The following PDZD2 variants were observed in gnomAD, a reference collection of about 807,000 sequenced individuals.
PDZD2 encodes PDZ domain-containing protein 2.
In PDZD2, 90 loss-of-function variants were observed where a neutral mutation model predicts 220.7. The ratio of observed to expected loss-of-function variants is 0.41; its 90% CI spans 0.34 to 0.49. The LOEUF is 0.49. Among genes scored for constraint, PDZD2 ranks in the 20% least tolerant of loss-of-function variants. PDZD2 has a pLI of 0.28. For missense variants in PDZD2, 3,174 were observed against 3,608.5 expected (o/e 0.88, Z 3.08); for synonymous variants, 1,375 against 1,450.5 (o/e 0.95, Z 1.18).
At chr5:31,947,142 G>T (rs903482412) in intron 2 of PDZD2, among the ~76,000 whole-genome samples, 1 of 152,132 alleles carries the variant, frequency 6.6e-6, no homozygotes, top group South Asian at 2.1e-4. Context: ...GGTGCCCCTC[G>T]GTTTAGAGGG....
rs1561378496 is a variant in PDZD2 at position 32,024,703 on chromosome 5, A to AAAAAAAGAAAG, written c.1408-12525_1408-12524insAAAGAAAGAAA. Reference sequence around the variant, plus strand: ...ATCTCAAAAAAAAAAAGAAAGAAAAAAAAGAAAAGGAAAGAAAGAAACGTG... The same window carrying AAAAAAAGAAAG: ...ATCTCAAAAAAAAAAAGAAAGAAAAAAAAAAAGAAAGAAAGAAAAGGAAAGAAAGAAACGTG... On this transcript the variant is annotated intron_variant, in intron 6 of 24. Coordinates refer to ENST00000438447, the MANE Select transcript of PDZD2 (RefSeq NM_178140.4). 5.0e-5 allele frequency among the ~76,000 whole-genome samples: 7 copies of AAAAAAAGAAAG among 140,282 alleles called. 1 individual carries two copies. Among genetic ancestry groups the AAAAAAAGAAAG allele is most frequent in the Non-Finnish European group, 9.3e-5 (6 of 64,252 alleles). The allele number at this position is 140,282 out of a possible 152,430, so 92.0% of individuals were successfully genotyped here. A position where few individuals can be genotyped will look rare whatever the true frequency, so the allele number is the denominator to read the frequency against.
intron 18 of PDZD2, among the ~76,000 whole-genome samples, chr5:32,076,833 T>C (rs1741350570): frequency 6.6e-6 from 1 of 152,262 alleles, no homozygotes; most frequent in Admixed American, 6.5e-5. Flanking sequence ...ACTGACATTT[T>C]ATGAAAAGAT....
Position 32,107,972 on chromosome 5 carries a change from GT to G in PDZD2, c.8358del (p.Ala2787ArgfsTer7), listed in dbSNP as rs1255189346. The part of the protein sequence containing the change: ...PLVIKRVYKG[G>X]AAEQAGIIEA... ...TATTCTGTGTTTATTCTCGTAGGTG[GT>G]GCGGCTGAACAAGCTGGAATAATAG... On this transcript the variant is annotated frameshift_variant, in exon 25 of 25. Coordinates refer to ENST00000438447, the MANE Select transcript of PDZD2 (RefSeq NM_178140.4). LOFTEE classifies it high-confidence loss of function. The G allele has an allele frequency of 1.2e-6, 2 of 1,611,292 alleles. No homozygotes were observed. Among genetic ancestry groups the G allele is most frequent in the East Asian group, 2.2e-5 (1 of 44,854 alleles).
Position 32,089,945 on chromosome 5 carries a change from A to T in PDZD2, c.6497A>T (p.Lys2166Ile). 1 of 1,608,818 alleles carries T rather than the reference A, an allele frequency of 6.2e-7. No individual in the cohort carries two copies. The highest frequency in any genetic ancestry group is 8.5e-7 in the Non-Finnish European group (1 of 1,177,390). Reference sequence around the variant, plus strand: ...ATGTCACGATCATTCAGCATGGCAAAACTGGCGTCCTCCTCCTCCTCCCTT... The same window carrying T: ...ATGTCACGATCATTCAGCATGGCAATACTGGCGTCCTCCTCCTCCTCCCTT... Reference protein sequence around the residue: ...QEMSRSFSMAKLASSSSSLQT... With the variant: ...QEMSRSFSMAILASSSSSLQT... Residue 2166 changes from lysine (K) to isoleucine (I), a missense_variant, in exon 20 of 25, where the codon AAA (lysine) becomes ATA (isoleucine). Lys to Ile is a moderately radical substitution (Grantham distance 102, BLOSUM62 -3). Around this residue, in one of 4 missense-constraint regions of PDZD2, gnomAD observed 1,861 missense variants for 2,001.0 expected, o/e 0.93. Coordinates refer to ENST00000438447, the MANE Select transcript of PDZD2 (RefSeq NM_178140.4).
intron 1 of PDZD2, among the ~76,000 whole-genome samples, chr5:31,778,809 TAATA>T (rs1385257539): frequency 6.6e-6 from 1 of 152,060 alleles, no homozygotes; most frequent in African/African-American, 2.4e-5. Context: ...ATCAGTAAAG[TAATA>T]AATGTTCACA....
intron 21 of PDZD2, among the ~76,000 whole-genome samples, chr5:32,095,557 G>A (rs1313107828): frequency 6.6e-6 from 1 of 152,158 alleles, no homozygotes; most frequent in Non-Finnish European, 1.5e-5. Context: ...CTTGATGGTT[G>A]ATCTGGCCGC....
At chr5:31,652,335 C>T (rs1310389274) in intron 1 of PDZD2, among the ~76,000 whole-genome samples, 1 of 152,142 alleles carries the variant, frequency 6.6e-6, no homozygotes, top group Non-Finnish European at 1.5e-5. Flanking sequence ...CTGCTCCTCC[C>T]CATCTTCATC....
At chr5:32,099,981 A>G (rs575975116) in intron 23 of PDZD2, 3 of 152,428 alleles carry the variant, frequency 2.0e-5, no homozygotes, top group Non-Finnish European at 4.4e-5. Context: ...TGCACAGTAG[A>G]GATGCTGGGA....
At chr5:31,641,468 C>T (rs1160900358) in intron 1 of PDZD2, among the ~76,000 whole-genome samples, 1 of 151,184 alleles carries the variant, frequency 6.6e-6, no homozygotes, top group African/African-American at 2.4e-5. Context: ...GTGCTAAGGA[C>T]TCAGAGGAAC....
chr5:32,087,992 T>C lies in PDZD2; in HGVS notation c.4544T>C (p.Val1515Ala), dbSNP rs200771406. The C allele has an allele frequency of 3.7e-6, 6 of 1,614,082 alleles. No individual in the cohort carries two copies. Among genetic ancestry groups the C allele is most frequent in the Admixed American group, 1.7e-5 (1 of 60,010 alleles). ...ATTAATCCCGACAAACATTTTACTG[T>C]GAACAAAAACTTTCTGAGCAACTAC... ...DSINPDKHFT[V>A]NKNFLSNYSR... The change falls in exon 20 of 25, where the codon GTG (valine) becomes GCG (alanine). Residue 1515 changes from valine (V) to alanine (A), a missense_variant. By Grantham distance (64) the Val-to-Ala change is moderately conservative. Coordinates refer to ENST00000438447, the MANE Select transcript of PDZD2 (RefSeq NM_178140.4). The surrounding 1 kb of genome is among the most constrained non-coding windows in gnomAD (Gnocchi z 4.0).
chr5:32,052,537 G>T, intron 8 of PDZD2, 74 bp from the exon 9 acceptor site: 1 of 1,355,478 alleles, frequency 7.4e-7, no homozygotes, highest in Non-Finnish European at 1.1e-6. Flanking sequence ...CAAAGTCTGA[G>T]TGTATTTTTC....
intron 2 of PDZD2, among the ~76,000 whole-genome samples, chr5:31,809,563 G>A (rs1754968245): frequency 1.3e-5 from 2 of 152,186 alleles, no homozygotes. Flanking sequence ...GATGACAGAG[G>A]GGAGTTATTC....
chr5:31,668,881 A>C (rs1353772913), intron 1 of PDZD2, among the ~76,000 whole-genome samples: 1 of 152,218 alleles, frequency 6.6e-6, no homozygotes, highest in Non-Finnish European at 1.5e-5. Context: ...ATAAAAATTA[A>C]AATAGACAAA....
intron 19 of PDZD2, among the ~76,000 whole-genome samples, chr5:32,082,182 C>T (rs184690435): frequency 2.6e-5 from 4 of 151,878 alleles, no homozygotes; most frequent in Non-Finnish European, 2.9e-5. Flanking sequence ...CCACCACGCT[C>T]GGCCAATTTT....
At chr5:31,678,574 C>T (rs67823348) in intron 1 of PDZD2, among the ~76,000 whole-genome samples, 25,389 of 152,116 alleles carry the variant, frequency 0.17, 2,251 homozygotes, top group Middle Eastern at 0.22. Flanking sequence ...TGATTCATCA[C>T]AGCACCCCCT....
chr5:32,061,155 C>T, intron 14 of PDZD2, 21 bp downstream of exon 14: 1 of 1,612,828 alleles, frequency 6.2e-7, no homozygotes, highest in Non-Finnish European at 8.5e-7. Context: ...CCACCCTCTT[C>T]TGAACGTGGG....
chr5:31,926,542 A>AAAG lies in PDZD2; in HGVS notation c.477-56611_477-56610insGAA, dbSNP rs1412695860. Among the ~76,000 whole-genome samples, 314 of 150,624 alleles carry AAAG rather than the reference A, an allele frequency of 2.1e-3. 2 individuals are homozygous for AAAG. The highest frequency in any genetic ancestry group is 4.9e-3 in the African/African-American group (202 of 40,876). On this transcript the variant is annotated intron_variant, in intron 2 of 24. Transcript: ENST00000438447. Reference sequence around the variant, plus strand: ...ACTGCATCTGAAAAAAAAAAAAAAAAAAAGAAAATTAAAAGCTAAAAAATA... The same window carrying AAAG: ...ACTGCATCTGAAAAAAAAAAAAAAAAAAGAAAGAAAATTAAAAGCTAAAAAATA...
chr5:32,087,390 C>G lies in PDZD2; in HGVS notation c.3942C>G (p.Pro1314=). Residue 1314 remains proline (P), a synonymous_variant, in exon 20 of 25, where the codon CCC becomes CCG. Coordinates refer to ENST00000438447, the MANE Select transcript of PDZD2 (RefSeq NM_178140.4). The surrounding 1 kb of genome is among the most constrained non-coding windows in gnomAD (Gnocchi z 4.0). Reference sequence around the variant, plus strand: ...GATCAGCATCGGAAACCAGCACACCCCACAATACCAGGAGGGTGGCTGCCC... The same window carrying G: ...GATCAGCATCGGAAACCAGCACACCGCACAATACCAGGAGGGTGGCTGCCC... ...KTRSASETST[P]HNTRRVAALR... is the part of the protein sequence containing the mutation. 6.2e-7 allele frequency: 1 copy of G among 1,614,106 alleles called. No individual in the cohort carries two copies. The highest frequency in any genetic ancestry group is 8.5e-7 in the Non-Finnish European group (1 of 1,179,962).
intron 2 of PDZD2, among the ~76,000 whole-genome samples, chr5:31,896,002 C>A (rs1371916781): frequency 6.6e-6 from 1 of 152,180 alleles, no homozygotes; most frequent in Admixed American, 6.6e-5. Flanking sequence ...ATTTGTTCCA[C>A]TTTGCCCATG....
Sources: allele counts gnomAD v4.1 joint callset (sites outside exome capture counted in the v4.1 genomes callset), GRCh38; gene constraint gnomAD v4.1.1; regional missense constraint gnomAD v4.1.1; non-coding constraint Gnocchi (gnomAD v3.1); transcripts MANE v1.5; gene names NCBI Gene and HGNC (gene_info 2026-07-23, HGNC 2026-07-21).